EPB41L3: variants seen among roughly 807,000 people sequenced by gnomAD.
The protein encoded by EPB41L3 is band 4.1-like protein 3.
Under a neutral mutation model 127.1 loss-of-function variants are expected in EPB41L3, and 57 were observed. That is an observed-to-expected ratio of 0.45 (90% CI 0.36 to 0.56). The LOEUF is 0.56. Among genes scored for constraint, EPB41L3 ranks in the 20% least tolerant of loss-of-function variants. EPB41L3 has a pLI of 0.00. For missense variants in EPB41L3, 1,273 were observed against 1,372.2 expected, an observed-to-expected ratio of 0.93 and a Z score of 1.14; for synonymous variants, 572 against 549.5, an observed-to-expected ratio of 1.04 and a Z score of -0.57.
intron 2 of EPB41L3, among the ~76,000 whole-genome samples, chr18:5,613,520 A>G (rs764576979): frequency 6.6e-6 from 1 of 152,120 alleles, no homozygotes. Context: ...ACAAAGGCCC[A>G]TGGGTTTAGG....
intron 1 of EPB41L3, among the ~76,000 whole-genome samples, chr18:5,492,691 G>T (rs1457898001): frequency 6.6e-6 from 1 of 152,114 alleles, no homozygotes; most frequent in Admixed American, 6.5e-5. Context: ...GCTTAGTTTT[G>T]ACTGAAACTG....
chr18:5,409,432 G>A (rs796209786), intron 14 of EPB41L3, among the ~76,000 whole-genome samples: 13 of 152,202 alleles, frequency 8.5e-5, no homozygotes, highest in Middle Eastern at 3.4e-3. Flanking sequence ...CTTTGTTATA[G>A]TTGGCAAAGA....
intron 3 of EPB41L3, among the ~76,000 whole-genome samples, chr18:5,473,135 GC>G (rs2086475713): frequency 6.6e-6 from 1 of 152,124 alleles, no homozygotes; most frequent in South Asian, 2.1e-4. Context: ...TCATTGATTT[GC>G]CCCAATCTGG....
rs10669405 is a variant in EPB41L3, at chr18:5,586,565, A to ATT, written c.-306+25773_-306+25774dup. ...CAGATGTGCACCACCATACATGACT[A>ATT]TTTTTTTTTTTTTTTTTGTAGAGAT... On this transcript the variant is annotated intron_variant, in intron 3 of 21. Transcript: ENST00000545076. Among the ~76,000 whole-genome samples the ATT allele has an allele frequency of 9.8e-3, 1,235 of 125,970 alleles. 34 individuals carry two copies. Among genetic ancestry groups the ATT allele is most frequent in the African/African-American group, 0.023 (767 of 33,416 alleles). 82.6% of individuals were successfully genotyped at this position (125,970 alleles called of 152,430 possible). A position where few individuals can be genotyped will look rare whatever the true frequency, so the allele number is the denominator to read the frequency against.
intron 3 of EPB41L3, among the ~76,000 whole-genome samples, chr18:5,579,339 C>T (rs1052970584): frequency 3.3e-5 from 5 of 152,114 alleles, no homozygotes; most frequent in Non-Finnish European, 7.4e-5. Flanking sequence ...AGGTTATCGT[C>T]GAAATCCTAG....
chr18:5,529,392 G>A (rs1238791493), intron 1 of EPB41L3, among the ~76,000 whole-genome samples: 4 of 151,944 alleles, frequency 2.6e-5, no homozygotes, highest in Non-Finnish European at 5.9e-5. Flanking sequence ...TTCTTCCTGA[G>A]CACCAGGTCC....
chr18:5,438,657 G>A (rs2080223797), intron 5 of EPB41L3, among the ~76,000 whole-genome samples: 1 of 152,202 alleles, frequency 6.6e-6, no homozygotes, highest in South Asian at 2.1e-4. Flanking sequence ...GTGGGCTGTT[G>A]AAAATTATTT....
rs1213022459 is a variant in EPB41L3, at chr18:5,397,554, A to G, written c.2473-128T>C. ...GTGCTTATAACCAGAAACACTGACG[A>G]AAAATATAAATTAGCTTTCATTTCT... On this transcript the variant is annotated intron_variant, in intron 17 of 22. Transcript: ENST00000341928. The surrounding 1 kb of genome is among the most constrained non-coding windows in gnomAD (Gnocchi z 4.1). The G allele has an allele frequency of 6.1e-6, 7 of 1,142,454 alleles. No homozygotes were observed. Among genetic ancestry groups the G allele is most frequent in the Admixed American group, 5.2e-5 (2 of 38,818 alleles). The allele number at this position is 1,142,454 out of a possible 1,614,324, so 70.8% of individuals were successfully genotyped here.
At chr18:5,396,448 G>A in intron 18 of EPB41L3, 116 bp from the exon 19 acceptor site, 1 of 1,230,140 alleles carries the variant, frequency 8.1e-7, no homozygotes. Context: ...AAATGTTTAT[G>A]TAGAGAGTAA....
At chr18:5,396,050 A>T in intron 19 of EPB41L3, 151 bp downstream of exon 19, 1 of 943,254 alleles carries the variant, frequency 1.1e-6, no homozygotes, top group South Asian at 1.5e-5. Context: ...TAATAAAATG[A>T]CCATTATTGC....
intron 3 of EPB41L3, among the ~76,000 whole-genome samples, chr18:5,445,592 C>G (rs945938952): frequency 2.6e-5 from 4 of 152,178 alleles, no homozygotes; most frequent in African/African-American, 9.6e-5. Flanking sequence ...CATAAAAATT[C>G]TGACAGTGAA....
chr18:5,551,826 A>G (rs1598920927), intron 3 of EPB41L3, among the ~76,000 whole-genome samples: 1 of 152,310 alleles, frequency 6.6e-6, no homozygotes, highest in African/African-American at 2.4e-5. Context: ...GAAAGGTTTC[A>G]TAATTGAAAG....
chr18:5,630,096 G>A (rs926209228), upstream of EPB41L3, among the ~76,000 whole-genome samples: 3 of 152,210 alleles, frequency 2.0e-5, no homozygotes, highest in South Asian at 2.1e-4. Context: ...ACAGCGCGCA[G>A]GCGGTCGATC....
chr18:5,562,324 T>TA (rs2094144901), intron 3 of EPB41L3, among the ~76,000 whole-genome samples: 1 of 152,170 alleles, frequency 6.6e-6, no homozygotes, highest in African/African-American at 2.4e-5. Context: ...AAAAAAAGAT[T>TA]AAAAAATATA....
chr18:5,545,393 G>A (rs1013528955), upstream of EPB41L3, among the ~76,000 whole-genome samples: 2 of 147,576 alleles, frequency 1.4e-5, no homozygotes, highest in African/African-American at 2.7e-5. Flanking sequence ...AGTGAGGCCC[G>A]GAGACGTGGG....
intron 1 of EPB41L3, among the ~76,000 whole-genome samples, chr18:5,494,224 C>A (rs7242618): frequency 0.15 from 22,818 of 152,100 alleles, 1,825 homozygotes; most frequent in Non-Finnish European, 0.17. Flanking sequence ...ATCTGCTTGA[C>A]TCCTGTCCTC....
intron 11 of EPB41L3, among the ~76,000 whole-genome samples, chr18:5,420,383 ATATTAT>A (rs1231192839): frequency 6.6e-6 from 1 of 152,144 alleles, no homozygotes; most frequent in Non-Finnish European, 1.5e-5. Context: ...ATTGGTTTTC[ATATTAT>A]TATTATTAAT....
At chr18:5,439,921 C>T (rs367829515) in intron 5 of EPB41L3, among the ~76,000 whole-genome samples, 8 of 152,192 alleles carry the variant, frequency 5.3e-5, no homozygotes, top group African/African-American at 1.9e-4. Context: ...AAAGCAGGCC[C>T]TGAATCCAAT....
chr18:5,597,857 A>C (rs541841496), intron 3 of EPB41L3, among the ~76,000 whole-genome samples: 1 of 152,188 alleles, frequency 6.6e-6, no homozygotes, highest in South Asian at 2.1e-4. Flanking sequence ...TCTTCACACC[A>C]CTCAAGACCA....
Sources: gnomAD v4.1 joint callset for allele counts (sites outside exome capture counted in the v4.1 genomes callset) on GRCh38, gnomAD v4.1.1 for gene constraint, Gnocchi (gnomAD v3.1) non-coding constraint, MANE v1.5 for transcripts, NCBI Gene and HGNC (gene_info 2026-07-23, HGNC 2026-07-21) for gene names.